Variants in PLPPR5 observed in about 807,000 individuals in gnomAD.
PLPPR5 encodes the protein phospholipid phosphatase related 5.
A neutral mutation model predicts 33.9 loss-of-function variants in PLPPR5; 16 were observed. The ratio of observed to expected loss-of-function variants is 0.47; its 90% confidence interval spans 0.32 to 0.72. The LOEUF is 0.72. PLPPR5 is among the 30% of genes least tolerant of loss of function. PLPPR5 has a pLI of 0.03. For synonymous variants in PLPPR5, 163 were observed against 150.3 expected, an observed-to-expected ratio of 1.08 and a Z score of -0.62; for missense variants, 301 against 406.7, an observed-to-expected ratio of 0.74 and a Z score of 2.23.
intron 1 of PLPPR5, among the ~76,000 whole-genome samples, chr1:98,979,987 C>T (rs1651998944): frequency 6.6e-6 from 1 of 152,010 alleles, no homozygotes. Context: ...TGATGCCTGA[C>T]TGCCTGCCCA....
rs1650855717 is a variant in PLPPR5 at position 98,953,256 on chromosome 1, T to G, written c.435A>C (p.Gly145=). The G allele has an allele frequency of 6.2e-7, 1 of 1,613,962 alleles. No individual in the cohort carries two copies. The highest frequency in any genetic ancestry group is 1.7e-5 in the Admixed American group (1 of 59,986). The change falls in exon 3 of 6, where the codon GGA becomes GGC. Residue 145 remains glycine (G), a synonymous_variant. Transcript: ENST00000263177. ...IFVNAGQVVT[G]NLAPHFLALC... ...GGGCAAGGAAATGTGGGGCCAGATT[T>G]CCTGTGACTACTTGTCCAGCATTTA...
intron 1 of PLPPR5, among the ~76,000 whole-genome samples, chr1:98,990,435 T>A (rs1215080308): frequency 2.0e-5 from 3 of 151,968 alleles, no homozygotes; most frequent in African/African-American, 7.3e-5. Flanking sequence ...ATATAAATGC[T>A]TAAGTAGTGA....
intron 2 of PLPPR5, among the ~76,000 whole-genome samples, chr1:98,955,916 GC>G (rs1369496933): frequency 6.6e-6 from 1 of 151,978 alleles, no homozygotes; most frequent in East Asian, 1.9e-4. Context: ...ATGGGTCTAG[GC>G]TAAGTCCTGA....
At chr1:98,929,073 T>G (rs925298658) in intron 3 of PLPPR5, among the ~76,000 whole-genome samples, 21 of 152,136 alleles carry the variant, frequency 1.4e-4, no homozygotes, top group Non-Finnish European at 1.2e-4. Context: ...AAAGTTCAGC[T>G]TTAGGAATTT....
intron 5 of PLPPR5, among the ~76,000 whole-genome samples, chr1:98,900,837 T>C (rs954368289): frequency 2.0e-5 from 3 of 152,092 alleles, no homozygotes; most frequent in African/African-American, 7.2e-5. Context: ...GCACCACTGA[T>C]AAAAATCTGA....
chr1:98,978,193 GA>G (rs1651929714), intron 1 of PLPPR5, among the ~76,000 whole-genome samples: 1 of 151,964 alleles, frequency 6.6e-6, no homozygotes, highest in Admixed American at 6.6e-5. Flanking sequence ...ACATAGAGAA[GA>G]AAATCAACTA....
intron 5 of PLPPR5, among the ~76,000 whole-genome samples, chr1:98,913,297 T>C (rs893954059): frequency 1.3e-5 from 2 of 152,242 alleles, no homozygotes; most frequent in Non-Finnish European, 2.9e-5. Flanking sequence ...TTATTGAGTA[T>C]CAACTATTTT....
At chr1:98,961,292 A>C (rs558830753) in intron 1 of PLPPR5, among the ~76,000 whole-genome samples, 23 of 152,322 alleles carry the variant, frequency 1.5e-4, no homozygotes, top group Middle Eastern at 3.4e-3. Flanking sequence ...ACTACACTTA[A>C]AGCTTGTTAT....
intron 2 of PLPPR5, among the ~76,000 whole-genome samples, chr1:98,953,538 G>A (rs2101213632): frequency 6.6e-6 from 1 of 152,032 alleles, no homozygotes; most frequent in South Asian, 2.1e-4. Flanking sequence ...ATATTGCTCT[G>A]TCTACTACTG....
At chr1:98,962,365 A>G (rs1651278955) in intron 1 of PLPPR5, among the ~76,000 whole-genome samples, 1 of 152,200 alleles carries the variant, frequency 6.6e-6, no homozygotes, top group South Asian at 2.1e-4. Context: ...TTTTAAGTAT[A>G]CACTACATTC....
chr1:98,898,353 T>C (rs759778677), intron 5 of PLPPR5, among the ~76,000 whole-genome samples: 18 of 152,184 alleles, frequency 1.2e-4, no homozygotes, highest in Non-Finnish European at 2.2e-4. Context: ...ATAGCCTACA[T>C]TGCATCAGGA....
chr1:98,967,476 G>A (rs986703525), intron 1 of PLPPR5, among the ~76,000 whole-genome samples: 2 of 152,132 alleles, frequency 1.3e-5, no homozygotes, highest in African/African-American at 4.8e-5. Context: ...GAGATTAGGG[G>A]TAAGTGATAA....
chr1:98,966,789 C>T (rs1651465111), intron 1 of PLPPR5, among the ~76,000 whole-genome samples: 1 of 152,152 alleles, frequency 6.6e-6, no homozygotes, highest in Admixed American at 6.5e-5. Context: ...ATCCCACCCA[C>T]TGGGTGGGAT....
chr1:99,005,691 G>C (rs539301971), upstream of PLPPR5, among the ~76,000 whole-genome samples: 1 of 152,086 alleles, frequency 6.6e-6, no homozygotes, highest in Non-Finnish European at 1.5e-5. Context: ...GCCTCATCTC[G>C]TTCTTTATTC....
intron 5 of PLPPR5, among the ~76,000 whole-genome samples, chr1:98,906,959 T>C (rs933373462): frequency 6.6e-6 from 1 of 152,206 alleles, no homozygotes; most frequent in Non-Finnish European, 1.5e-5. Flanking sequence ...ATCAATTTAA[T>C]TCTCATTTTT....
chr1:98,993,923 A>G (rs992710592), intron 1 of PLPPR5, among the ~76,000 whole-genome samples: 8 of 152,068 alleles, frequency 5.3e-5, no homozygotes, highest in Non-Finnish European at 1.2e-4. Context: ...CACAAATTCA[A>G]TTTTCCTTAG....
chr1:98,963,852 C>T (rs1411340076), intron 1 of PLPPR5, among the ~76,000 whole-genome samples: 2 of 152,196 alleles, frequency 1.3e-5, no homozygotes, highest in Admixed American at 6.5e-5. Flanking sequence ...ATCCTATTAA[C>T]ACACAAGCCA....
At chr1:98,943,957 T>A (rs1650466164) in intron 3 of PLPPR5, among the ~76,000 whole-genome samples, 1 of 152,130 alleles carries the variant, frequency 6.6e-6, no homozygotes, top group Non-Finnish European at 1.5e-5. Flanking sequence ...TTGATGTCAG[T>A]GCTATATTAA....
chr1:98,992,719 C>A lies in PLPPR5; in HGVS notation c.237+11716G>T, dbSNP rs149900708. Among the ~76,000 whole-genome samples, 77 of 152,144 alleles carry A rather than the reference C, an allele frequency of 5.1e-4. No homozygotes were observed. In the Middle Eastern group the frequency reaches 0.01, roughly 20 times the overall value. ...CTATCACAGTATTTAACTATAAATA[C>A]AATATTCAGTAAAATCTTTTGGGAC... On this transcript the variant is annotated intron_variant, in intron 1 of 5. Coordinates refer to ENST00000263177, the MANE Select transcript of PLPPR5 (RefSeq NM_001037317.2).
Sources: gnomAD v4.1 joint callset for allele counts (sites outside exome capture counted in the v4.1 genomes callset) on GRCh38, gnomAD v4.1.1 for gene constraint, MANE v1.5 for transcripts, NCBI Gene and HGNC (gene_info 2026-07-23, HGNC 2026-07-21) for gene names.